The following CSMD1 variants were observed in gnomAD, a reference collection of about 807,000 sequenced individuals.
CSMD1 encodes the protein CUB and Sushi multiple domains 1, also known as CUB and sushi domain-containing protein 1.
A neutral mutation model predicts 417.5 loss-of-function variants in CSMD1; 213 were observed. The ratio of observed to expected loss-of-function variants is 0.51; its 90% CI spans 0.46 to 0.57. The LOEUF is 0.57. CSMD1 is among the 20% of genes least tolerant of loss of function. The pLI is 0.00. For missense variants in CSMD1, 6,923 were observed against 4,529.7 expected, an observed-to-expected ratio of 1.53 and a Z score of -15.17; for synonymous variants, 2,862 against 1,736.8, an observed-to-expected ratio of 1.65 and a Z score of -16.11.
At chr8:4,565,520 A>C (rs997098955) in intron 2 of CSMD1, among the ~76,000 whole-genome samples, 3 of 152,010 alleles carry the variant, frequency 2.0e-5, no homozygotes, top group African/African-American at 7.3e-5. Flanking sequence ...GGCGATCACA[A>C]GGTCAGGTGT....
intron 5 of CSMD1, among the ~76,000 whole-genome samples, chr8:3,955,293 C>G (rs182470011): frequency 1.8e-4 from 28 of 152,284 alleles, no homozygotes; most frequent in African/African-American, 1.2e-4. Flanking sequence ...AGTGTCAACA[C>G]CAAACACACA....
chr8:4,796,329 T>C (rs556887225), intron 1 of CSMD1, among the ~76,000 whole-genome samples: 1 of 152,034 alleles, frequency 6.6e-6, no homozygotes, highest in South Asian at 2.1e-4. Context: ...GCGACCAACG[T>C]GATGATCTTC....
chr8:3,542,914 C>T (rs1301721705), intron 10 of CSMD1, among the ~76,000 whole-genome samples: 1 of 152,090 alleles, frequency 6.6e-6, no homozygotes, highest in Non-Finnish European at 1.5e-5. Context: ...AGACACCGTC[C>T]TCCCCAGGCA....
chr8:4,498,415 T>A (rs902111413), intron 2 of CSMD1, among the ~76,000 whole-genome samples: 1 of 152,214 alleles, frequency 6.6e-6, no homozygotes, highest in Non-Finnish European at 1.5e-5. Context: ...CAGTTCATAA[T>A]ATTAATGCAT....
intron 23 of CSMD1, among the ~76,000 whole-genome samples, chr8:3,309,766 G>T (rs548397386): frequency 6.6e-6 from 1 of 152,190 alleles, no homozygotes; most frequent in African/African-American, 2.4e-5. Flanking sequence ...TCAATGTGAA[G>T]TCTGAGATGC....
At chr8:4,914,777 G>A (rs1308094399) in intron 1 of CSMD1, among the ~76,000 whole-genome samples, 2 of 152,114 alleles carry the variant, frequency 1.3e-5, no homozygotes, top group African/African-American at 2.4e-5. Flanking sequence ...CTACCTGCAT[G>A]AGTTCCCATG....
intron 10 of CSMD1, among the ~76,000 whole-genome samples, chr8:3,566,892 G>T (rs1439832171): frequency 6.6e-6 from 1 of 152,148 alleles, no homozygotes; most frequent in Admixed American, 6.6e-5. Flanking sequence ...TCTAAAGACA[G>T]AAATCCATTT....
intron 2 of CSMD1, among the ~76,000 whole-genome samples, chr8:4,548,031 T>G (rs1006086191): frequency 9.2e-5 from 14 of 152,174 alleles, no homozygotes; most frequent in African/African-American, 3.4e-4. Context: ...AAAAACATTG[T>G]GGGTTACAGC....
chr8:3,307,882 C>G (rs1584970387), intron 24 of CSMD1, 61 bp from the exon 25 acceptor site: 9 of 1,567,722 alleles, frequency 5.7e-6, no homozygotes, highest in East Asian at 2.3e-5. Context: ...TTCTATTTAG[C>G]TACTTTTCAA....
At chr8:4,501,024 G>A (rs1168163953) in intron 2 of CSMD1, among the ~76,000 whole-genome samples, 1 of 152,038 alleles carries the variant, frequency 6.6e-6, no homozygotes, top group African/African-American at 2.4e-5. Flanking sequence ...TTGTTTGGGA[G>A]TAACTACCTT....
chr8:4,417,880 G>C (rs576526787), intron 3 of CSMD1, among the ~76,000 whole-genome samples: 32 of 152,064 alleles, frequency 2.1e-4, no homozygotes, highest in African/African-American at 6.0e-4. Context: ...TCCTTGGAAA[G>C]TAATAGTTGT....
intron 1 of CSMD1, among the ~76,000 whole-genome samples, chr8:4,728,007 CAA>C (rs1181616853): frequency 7.2e-6 from 1 of 139,516 alleles, no homozygotes; most frequent in Non-Finnish European, 1.5e-5. Context: ...TATTTATATA[CAA>C]AATATATATA....
intron 18 of CSMD1, chr8:3,373,397 G>C (rs1242081607): frequency 6.6e-6 from 1 of 152,180 alleles, no homozygotes; most frequent in Non-Finnish European, 1.5e-5. Flanking sequence ...GGCTTGTTTA[G>C]ATTTATATGG....
At chr8:3,690,354 T>TCAAAA (rs999420246) in intron 7 of CSMD1, among the ~76,000 whole-genome samples, 12 of 152,342 alleles carry the variant, frequency 7.9e-5, no homozygotes, top group African/African-American at 2.4e-4. Context: ...AGACTCTGTC[T>TCAAAA]CAAAACAAAA....
intron 17 of CSMD1, among the ~76,000 whole-genome samples, chr8:3,387,926 A>T (rs1811112140): frequency 6.6e-6 from 1 of 152,204 alleles, no homozygotes; most frequent in African/African-American, 2.4e-5. Flanking sequence ...AACAACCTTG[A>T]ATAATTAATT....
At chr8:4,580,821 C>G (rs1198795414) in intron 2 of CSMD1, among the ~76,000 whole-genome samples, 1 of 152,186 alleles carries the variant, frequency 6.6e-6, no homozygotes, top group Non-Finnish European at 1.5e-5. Flanking sequence ...AAAGTTGTAT[C>G]TTGTACATAC....
At chr8:4,843,691 A>G (rs1334112307) in intron 1 of CSMD1, among the ~76,000 whole-genome samples, 1 of 152,142 alleles carries the variant, frequency 6.6e-6, no homozygotes, top group South Asian at 2.1e-4. Context: ...TATGTGTTTT[A>G]TCTACTCTTC....
At chr8:4,129,578 C>A (rs967527090) in intron 3 of CSMD1, among the ~76,000 whole-genome samples, 1 of 20,716 alleles carries the variant, frequency 4.8e-5, no homozygotes, top group South Asian at 3.0e-3. Context: ...ATTTACTTTA[C>A]GTTTTTTATT....
chr8:3,651,643 G>A (rs964377330), intron 7 of CSMD1, among the ~76,000 whole-genome samples: 2 of 152,012 alleles, frequency 1.3e-5, no homozygotes, highest in Non-Finnish European at 2.9e-5. Flanking sequence ...TTTTACCTCA[G>A]AGCACTTAGC....
Sources: gnomAD v4.1 joint callset for allele counts (sites outside exome capture counted in the v4.1 genomes callset) on GRCh38, gnomAD v4.1.1 for gene constraint, MANE v1.5 for transcripts, NCBI Gene and HGNC (gene_info 2026-07-23, HGNC 2026-07-21) for gene names.